NCAPD3: variants seen among roughly 807,000 people sequenced by gnomAD.
NCAPD3 encodes non-SMC condensin II complex subunit D3, also known as condensin-2 complex subunit D3.
In NCAPD3, 105 loss-of-function variants were observed where a neutral mutation model predicts 182.9. That is an observed-to-expected ratio of 0.57 (90% CI 0.49 to 0.68). The LOEUF is 0.68. NCAPD3 is among the 30% of genes least tolerant of loss of function. The probability of loss-of-function intolerance (pLI) is 0.00; values close to 1 mark genes in which losing one functional copy is unlikely to be tolerated. For missense variants in NCAPD3, 1,944 were observed against 1,837.0 expected, an observed-to-expected ratio of 1.06 and a Z score of -1.07; for synonymous variants, 815 against 679.9, an observed-to-expected ratio of 1.20 and a Z score of -3.09.
In NCAPD3 at chr11:134,165,778, C is replaced by A. The variant is rs1266924122; in HGVS notation, c.3573+2218G>T. Reference sequence around the variant, plus strand: ...GATGAGCTTGGGGGAGGTACACACTCGTGAGAGGAGCTTAGGGGAGATGCA... The same window carrying A: ...GATGAGCTTGGGGGAGGTACACACTAGTGAGAGGAGCTTAGGGGAGATGCA... On this transcript the variant is annotated intron_variant, in intron 27 of 34. Transcript: ENST00000534548. Among the ~76,000 whole-genome samples, 3 of 133,618 alleles carry A rather than the reference C, an allele frequency of 2.2e-5. No individual in the cohort carries two copies. The Admixed American group carries it at 2.3e-4, about 10-fold the overall frequency. The allele number at this position is 133,618 out of a possible 152,430, so 87.7% of individuals were successfully genotyped here. A position where few individuals can be genotyped will look rare whatever the true frequency, so the allele number is the denominator to read the frequency against.
At chr11:134,206,189 T>C (rs192718976) in intron 8 of NCAPD3, among the ~76,000 whole-genome samples, 24 of 151,848 alleles carry the variant, frequency 1.6e-4, no homozygotes, top group Non-Finnish European at 2.1e-4. Flanking sequence ...AATAGAAAAG[T>C]GCAAAGAAAC....
chr11:134,224,646 A>AGCTC (rs1357257182), upstream of NCAPD3: 1 of 152,094 alleles, frequency 6.6e-6, no homozygotes, highest in Non-Finnish European at 1.5e-5. Context: ...TCCGGGCTGG[A>AGCTC]GCTCGCCCGC....
chr11:134,157,337 G>C (rs116522447), intron 31 of NCAPD3, among the ~76,000 whole-genome samples: 1,600 of 152,306 alleles, frequency 0.011, 28 homozygotes, highest in African/African-American at 0.037. Context: ...ATAGAGGACA[G>C]TTTGACACTA....
Position 134,168,455 on chromosome 11 carries a change from C to T in NCAPD3, c.3373+14G>A, listed in dbSNP as rs1340621839. On this transcript the variant is annotated intron_variant, in intron 26 of 34. Coordinates refer to ENST00000534548, the MANE Select transcript of NCAPD3 (RefSeq NM_015261.3). ...GCAAACACACACATTTTCTCCCACA[C>T]ACACTGGGCTTACCCAAAATACTAA... The T allele has an allele frequency of 6.2e-7, 1 of 1,613,950 alleles. No homozygotes were observed. Among genetic ancestry groups the T allele is most frequent in the East Asian group, 2.2e-5 (1 of 44,888 alleles).
At chr11:134,173,002 A>T (rs1002150598) in intron 24 of NCAPD3, 1 of 139,796 alleles carries the variant, frequency 7.2e-6, no homozygotes. Context: ...AAAAAAAAAA[A>T]GTCACACAGA....
chr11:134,168,002 G>T lies in NCAPD3; in HGVS notation c.3567C>A (p.Ile1189=). 1 of 1,613,840 alleles carries T rather than the reference G, an allele frequency of 6.2e-7. No homozygotes were observed. The highest frequency in any genetic ancestry group is 8.5e-7 in the Non-Finnish European group (1 of 1,179,812). ...AGGGGAGCAACACACTCACTTGTGAGATGAGCTTCTTCTGAGCTTCCTGCA... is the reference window on the plus strand; with the variant it reads ...AGGGGAGCAACACACTCACTTGTGATATGAGCTTCTTCTGAGCTTCCTGCA... ...VVMQEAQKKL[I]SQVQKRNFIE... The change falls in exon 27 of 35, where the codon ATC becomes ATA. Residue 1189 remains isoleucine, a synonymous_variant. Transcript: ENST00000534548.
chr11:134,175,008 T>C (rs1944125107), intron 24 of NCAPD3, among the ~76,000 whole-genome samples: 1 of 152,082 alleles, frequency 6.6e-6, no homozygotes, highest in Non-Finnish European at 1.5e-5. Context: ...GATGCGGACA[T>C]AAAAGGGATA....
At chr11:134,155,864 T>C (rs1232821839) in intron 32 of NCAPD3, among the ~76,000 whole-genome samples, 1 of 96,812 alleles carries the variant, frequency 1.0e-5, no homozygotes, top group African/African-American at 3.8e-5. Context: ...CGTCTGAGGG[T>C]GGGGGTGGGA....
chr11:134,214,532 TA>T (rs1937949383), intron 3 of NCAPD3, among the ~76,000 whole-genome samples: 1 of 151,932 alleles, frequency 6.6e-6, no homozygotes, highest in African/African-American at 2.4e-5. Context: ...AAACCCAAAG[TA>T]AGAAGAAAGG....
intron 32 of NCAPD3, among the ~76,000 whole-genome samples, chr11:134,154,860 TTGAG>T (rs1316945738): frequency 6.6e-6 from 1 of 152,238 alleles, no homozygotes; most frequent in African/African-American, 2.4e-5. Flanking sequence ...CGATGGCTAC[TTGAG>T]TGTCACTAAT....
At chr11:134,186,876 G>A (rs1422401288) in intron 16 of NCAPD3, among the ~76,000 whole-genome samples, 1 of 152,138 alleles carries the variant, frequency 6.6e-6, no homozygotes, top group Non-Finnish European at 1.5e-5. Context: ...TCTTACTACA[G>A]TTAGCTTACA....
intron 3 of NCAPD3, 34 bp from the exon 4 acceptor site, chr11:134,210,488 AT>A (rs774308924): frequency 1.3e-6 from 2 of 1,569,028 alleles, no homozygotes; most frequent in Non-Finnish European, 1.7e-6. Context: ...AGCAAGTTAG[AT>A]TTAATTGTCT....
intron 1 of NCAPD3, among the ~76,000 whole-genome samples, 168 bp from the exon 2 acceptor site, chr11:134,220,894 T>C (rs1938204169): frequency 6.6e-6 from 1 of 152,224 alleles, no homozygotes; most frequent in African/African-American, 2.4e-5. Context: ...CCAGAAAAGG[T>C]TAAGAGAATC....
chr11:134,184,822 C>CACAA, intron 18 of NCAPD3, 70 bp from the exon 19 acceptor site: 1 of 1,080,770 alleles, frequency 9.3e-7, no homozygotes, highest in Non-Finnish European at 1.4e-6. Context: ...CACACACACA[C>CACAA]ACACACACAC....
intron 16 of NCAPD3, among the ~76,000 whole-genome samples, chr11:134,192,164 T>C (rs183373857): frequency 2.6e-5 from 4 of 152,320 alleles, no homozygotes; most frequent in African/African-American, 7.2e-5. Flanking sequence ...AGAATGGTAT[T>C]TTTTGATACT....
chr11:134,197,210 G>C (rs1017408626), intron 13 of NCAPD3, among the ~76,000 whole-genome samples: 1 of 150,612 alleles, frequency 6.6e-6, no homozygotes, highest in Non-Finnish European at 1.5e-5. Context: ...TATACTTTCT[G>C]TACAGCCTGC....
chr11:134,153,913 G>A (rs1407022898), intron 32 of NCAPD3: 1 of 162,200 alleles, frequency 6.2e-6, no homozygotes, highest in Non-Finnish European at 1.4e-5. Context: ...GAGCGGCTCA[G>A]TCCACCTCCC....
At chr11:134,206,519 ATG>A (rs1233518534) in intron 8 of NCAPD3, 78 bp downstream of exon 8, 8 of 1,554,242 alleles carry the variant, frequency 5.1e-6, no homozygotes, top group Non-Finnish European at 6.1e-6. Flanking sequence ...TTAAGTCTAC[ATG>A]TATCAGAAAT....
At chr11:134,208,053 G>A (rs372970832) in intron 7 of NCAPD3, among the ~76,000 whole-genome samples, 1 of 152,146 alleles carries the variant, frequency 6.6e-6, no homozygotes, top group Non-Finnish European at 1.5e-5. Context: ...GAAATCTAAC[G>A]CTTTAGCCAG....
Sources: allele counts gnomAD v4.1 joint callset (sites outside exome capture counted in the v4.1 genomes callset), GRCh38; gene constraint gnomAD v4.1.1; transcripts MANE v1.5; gene names NCBI Gene and HGNC (gene_info 2026-07-23, HGNC 2026-07-21).